ZNF280D: variants seen among roughly 807,000 people sequenced by gnomAD.
ZNF280D encodes the protein zinc finger protein 280D.
In ZNF280D, 39 loss-of-function variants were observed where a neutral mutation model predicts 94.7. That is an observed-to-expected ratio of 0.41 (90% CI 0.32 to 0.54). The LOEUF (loss-of-function observed/expected upper bound fraction) is 0.54, where lower values mean the gene tolerates loss of function less well. Ranked by LOEUF, ZNF280D falls within the 20% of genes least tolerant of loss-of-function variation. ZNF280D has a pLI of 0.22. For synonymous variants in ZNF280D, 398 were observed against 377.6 expected (o/e 1.05, Z -0.63); for missense variants, 1,090 against 1,149.3 (o/e 0.95, Z 0.75).
intron 13 of ZNF280D, among the ~76,000 whole-genome samples, chr15:56,673,420 C>T (rs768691250): frequency 6.6e-6 from 1 of 151,990 alleles, no homozygotes; most frequent in Admixed American, 6.6e-5. Context: ...TCAGCTCTAA[C>T]TTCAAAACCA....
At position 56,666,798 on chromosome 15, in the gene ZNF280D, A is replaced by C; in HGVS notation, c.1734T>G (p.Ser578Arg). ...VKSNASKPNT[S>R]KPNGSKSKYK... ...ATTTAGATTTACTTCCATTAGGCTT[A>C]CTTGTATTAGGTTTACTTGCGTTGG... The change falls in exon 15 of 22, where the codon AGT becomes AGG. Residue 578 changes from serine to arginine, a missense_variant. This residue lies in a region of ZNF280D where 577 missense variants were observed against 568.8 expected (regional missense o/e 1.01). Transcript: ENST00000267807. 1 of 1,613,764 alleles carries C rather than the reference A, an allele frequency of 6.2e-7. No homozygotes were observed. The highest frequency in any genetic ancestry group is 8.5e-7 in the Non-Finnish European group (1 of 1,179,856).
intron 1 of ZNF280D, among the ~76,000 whole-genome samples, chr15:56,719,557 A>T (rs1342774054): frequency 6.6e-6 from 1 of 152,038 alleles, no homozygotes; most frequent in Non-Finnish European, 1.5e-5. Flanking sequence ...AAAATGCCCA[A>T]ACTCAGGTAT....
At chr15:56,670,927 G>C (rs1371879189) in intron 13 of ZNF280D, among the ~76,000 whole-genome samples, 1 of 152,022 alleles carries the variant, frequency 6.6e-6, no homozygotes, top group Non-Finnish European at 1.5e-5. Flanking sequence ...ATTCCCTAAT[G>C]ATCAGTGATG....
intron 20 of ZNF280D, among the ~76,000 whole-genome samples, chr15:56,637,043 T>G (rs1201189296): frequency 1.3e-5 from 2 of 152,082 alleles, no homozygotes; most frequent in African/African-American, 2.4e-5. Flanking sequence ...ACAATCCTTC[T>G]CCCTGCCTGG....
chr15:56,690,701 C>T (rs77744513), intron 7 of ZNF280D, among the ~76,000 whole-genome samples: 1,863 of 152,022 alleles, frequency 0.012, 37 homozygotes, highest in African/African-American at 0.041. Context: ...TAAAAAGGCT[C>T]GGAAAAGTTT....
intron 17 of ZNF280D, among the ~76,000 whole-genome samples, chr15:56,656,228 A>G (rs2053547694): frequency 6.6e-6 from 1 of 152,230 alleles, no homozygotes; most frequent in South Asian, 2.1e-4. Flanking sequence ...TATGTGCAAG[A>G]CAGATACGTA....
intron 9 of ZNF280D, 151 bp from the exon 10 acceptor site, chr15:56,682,628 G>A: frequency 1.9e-6 from 1 of 523,374 alleles, no homozygotes; most frequent in Non-Finnish European, 3.2e-6. Context: ...AAAATTTGTG[G>A]TGCATGTACA....
At chr15:56,658,608 A>G in intron 16 of ZNF280D, 122 bp from the exon 17 acceptor site, 1 of 620,950 alleles carries the variant, frequency 1.6e-6, no homozygotes, top group South Asian at 2.7e-5. Flanking sequence ...TGTAAATAAT[A>G]AAATAATGCC....
chr15:56,731,613 C>T (rs2058895024), intron 1 of ZNF280D, among the ~76,000 whole-genome samples: 1 of 149,820 alleles, frequency 6.7e-6, no homozygotes, highest in Non-Finnish European at 1.5e-5. Flanking sequence ...TCTTCACTTT[C>T]TTAAGTGTGA....
At chr15:56,640,542 A>G (rs182230276) in intron 20 of ZNF280D, among the ~76,000 whole-genome samples, 26 of 152,300 alleles carry the variant, frequency 1.7e-4, no homozygotes, top group African/African-American at 6.3e-4. Flanking sequence ...ATTTATGCCA[A>G]AAACAGTATT....
At chr15:56,719,996 AG>A (rs1255975027) in intron 1 of ZNF280D, among the ~76,000 whole-genome samples, 1 of 151,400 alleles carries the variant, frequency 6.6e-6, no homozygotes, top group Non-Finnish European at 1.5e-5. Context: ...CTGACTAATC[AG>A]GGTAGTGGCT....
intron 13 of ZNF280D, among the ~76,000 whole-genome samples, chr15:56,672,536 T>A (rs1273877298): frequency 2.6e-5 from 4 of 152,128 alleles, no homozygotes; most frequent in Non-Finnish European, 5.9e-5. Flanking sequence ...GCCTACTTGA[T>A]CATGGTGAAT....
chr15:56,677,721 TA>T, intron 11 of ZNF280D, 47 bp from the exon 12 acceptor site: 2 of 783,716 alleles, frequency 2.6e-6, no homozygotes, highest in Non-Finnish European at 3.6e-6. Context: ...GATATTAATA[TA>T]AAAATTAATT....
At chr15:56,709,657 C>T (rs976057134) in intron 1 of ZNF280D, among the ~76,000 whole-genome samples, 6 of 152,154 alleles carry the variant, frequency 3.9e-5, no homozygotes, top group African/African-American at 7.2e-5. Flanking sequence ...GGCACATATA[C>T]ACCATGGAAT....
At chr15:56,727,454 G>A (rs1332462817) in intron 1 of ZNF280D, among the ~76,000 whole-genome samples, 4 of 151,930 alleles carry the variant, frequency 2.6e-5, no homozygotes, top group Admixed American at 1.3e-4. Flanking sequence ...AGCAAGACAC[G>A]GTCTCAAAAA....
At chr15:56,664,143 A>C (rs1379900806) in intron 16 of ZNF280D, among the ~76,000 whole-genome samples, 2 of 152,212 alleles carry the variant, frequency 1.3e-5, no homozygotes, top group African/African-American at 4.8e-5. Context: ...CAGAGGAGTA[A>C]GAATGAAAAA....
At position 56,641,041 on chromosome 15, in the gene ZNF280D, AAT is replaced by A. The variant is rs562599752; in HGVS notation, c.2259+1909_2259+1910del. Among the ~76,000 whole-genome samples the A allele has an allele frequency of 7.8e-4, 119 of 152,232 alleles. 1 individual carries two copies. The highest frequency in any genetic ancestry group is 2.6e-3 in the African/African-American group (108 of 41,582). ...CTGAATTTTTTATATCTCTATACAAAATATGAAATTAGGGCATTTATAATCTT... is the reference window on the plus strand; with the variant it reads ...CTGAATTTTTTATATCTCTATACAAAATGAAATTAGGGCATTTATAATCTT... On this transcript the variant is annotated intron_variant, in intron 20 of 21. Coordinates refer to ENST00000267807, the MANE Select transcript of ZNF280D (RefSeq NM_017661.4).
At chr15:56,647,345 G>C (rs2052952717) in intron 19 of ZNF280D, among the ~76,000 whole-genome samples, 1 of 152,158 alleles carries the variant, frequency 6.6e-6, no homozygotes, top group Non-Finnish European at 1.5e-5. Context: ...GCCTGCCCTG[G>C]CTGGTAAGAG....
intron 9 of ZNF280D, among the ~76,000 whole-genome samples, chr15:56,684,880 A>G (rs2055889962): frequency 6.6e-6 from 1 of 152,160 alleles, no homozygotes; most frequent in Admixed American, 6.5e-5. Flanking sequence ...AACAAGGTGT[A>G]TGCCAGAGAG....
Sources: allele counts gnomAD v4.1 joint callset (sites outside exome capture counted in the v4.1 genomes callset), GRCh38; gene constraint gnomAD v4.1.1; regional missense constraint gnomAD v4.1.1; transcripts MANE v1.5; gene names NCBI Gene and HGNC (gene_info 2026-07-23, HGNC 2026-07-21).